Variants in PPP2R2A observed in about 807,000 individuals in gnomAD.
PPP2R2A encodes protein phosphatase 2 regulatory subunit Balpha.
A neutral mutation model predicts 53.2 loss-of-function variants in PPP2R2A; 9 were observed. The observed-to-expected ratio is 0.17, with a 90% CI of 0.10 to 0.30. The LOEUF (loss-of-function observed/expected upper bound fraction) is 0.30. Among genes scored for constraint, PPP2R2A ranks in the 10% least tolerant of loss-of-function variants. The probability of loss-of-function intolerance (pLI) is 1.00; values close to 1 mark genes in which losing one functional copy is unlikely to be tolerated. For missense variants in PPP2R2A, 235 were observed against 534.6 expected (o/e 0.44, Z 5.53); for synonymous variants, 169 against 174.2 (o/e 0.97, Z 0.23).
At chr8:26,339,091 G>T in intron 3 of PPP2R2A, 104 bp downstream of exon 3, 1 of 876,210 alleles carries the variant, frequency 1.1e-6, no homozygotes, top group Non-Finnish European at 1.8e-6. Context: ...TTTAAAAGAA[G>T]TGTGTGTTTA....
intron 3 of PPP2R2A, among the ~76,000 whole-genome samples, chr8:26,345,562 T>C (rs1804169020): frequency 6.6e-6 from 1 of 152,176 alleles, no homozygotes; most frequent in Non-Finnish European, 1.5e-5. Flanking sequence ...TTCATGTCAT[T>C]CAGTTTTCTG....
chr8:26,366,329 C>T lies in PPP2R2A; in HGVS notation c.987C>T (p.Leu329=). 6.2e-7 allele frequency: 1 copy of T among 1,602,530 alleles called. No homozygotes were observed. The highest frequency in any genetic ancestry group is 1.1e-5 in the South Asian group (1 of 87,990). Residue 329 remains leucine, a synonymous_variant, in exon 9 of 10, where the codon CTC becomes CTT. Coordinates refer to ENST00000380737, the MANE Select transcript of PPP2R2A (RefSeq NM_002717.4). ...TTTTCCCCCAGGTGCATGAATACCTCAGAAGTAAACTCTGTTCACTGTATG... is the reference window on the plus strand; with the variant it reads ...TTTTCCCCCAGGTGCATGAATACCTTAGAAGTAAACTCTGTTCACTGTATG... ...PVETYQVHEY[L]RSKLCSLYEN...
chr8:26,357,464 C>T (rs1298857037), intron 4 of PPP2R2A, among the ~76,000 whole-genome samples: 2 of 152,086 alleles, frequency 1.3e-5, no homozygotes, highest in Non-Finnish European at 2.9e-5. Flanking sequence ...TAAAGGACGT[C>T]ATAGTCACCT....
At chr8:26,350,873 C>T in intron 3 of PPP2R2A, among the ~76,000 whole-genome samples, 1 of 151,902 alleles carries the variant, frequency 6.6e-6, no homozygotes. Context: ...TTGGAGGATC[C>T]AGGGGCAGTG....
intron 2 of PPP2R2A, among the ~76,000 whole-genome samples, chr8:26,303,297 T>G (rs1343817886): frequency 2.0e-5 from 3 of 152,228 alleles, no homozygotes; most frequent in Non-Finnish European, 2.9e-5. Flanking sequence ...TTTGCCAGAA[T>G]AAAATAATTT....
chr8:26,356,993 A>G (rs775785988), intron 4 of PPP2R2A, among the ~76,000 whole-genome samples: 6 of 152,216 alleles, frequency 3.9e-5, no homozygotes, highest in Non-Finnish European at 7.3e-5. Context: ...TTGTTTCTTA[A>G]TACTAAGTAA....
chr8:26,294,503 T>A (rs1801456617), intron 2 of PPP2R2A, among the ~76,000 whole-genome samples: 1 of 152,192 alleles, frequency 6.6e-6, no homozygotes, highest in Non-Finnish European at 1.5e-5. Context: ...TTCCACAAAG[T>A]TGTTGCATTG....
Position 26,354,367 on chromosome 8 carries a change from G to C in PPP2R2A, c.181-101G>C. The C allele has an allele frequency of 2.3e-6, 2 of 862,794 alleles. No individual in the cohort carries two copies. Among genetic ancestry groups the C allele is most frequent in the Non-Finnish European group, 3.3e-6 (2 of 602,554 alleles). The allele number at this position is 862,794 out of a possible 1,614,324, so 53.4% of individuals were successfully genotyped here. ...GTAATTGTATAAAGACACAACTAAT[G>C]GGGTATTGAGAATGTGCAGGGTCCT... On this transcript the variant is annotated intron_variant, in intron 3 of 9. Coordinates refer to ENST00000380737, the MANE Select transcript of PPP2R2A (RefSeq NM_002717.4). This position sits in a 1 kb window ranked among gnomAD's most constrained non-coding sequence, Gnocchi z 4.6.
rs1279295402 is a variant in PPP2R2A, at chr8:26,371,838, A to G, written c.*1425A>G. ...TTATCCAAAGATGAAGAGTGCTCCT[A>G]TTTTTAATAGGTAGAATGTACCTTT... On this transcript the variant is annotated 3_prime_UTR_variant, in exon 10 of 10. Coordinates refer to ENST00000380737, the MANE Select transcript of PPP2R2A (RefSeq NM_002717.4). 3 of 152,206 alleles carry G rather than the reference A, an allele frequency of 2.0e-5. No individual in the cohort carries two copies. The highest frequency in any genetic ancestry group is 2.9e-5 in the Non-Finnish European group (2 of 68,036). 9.4% of individuals were successfully genotyped at this position (152,206 alleles called of 1,614,324 possible).
chr8:26,352,204 C>T (rs1170279482), intron 3 of PPP2R2A, among the ~76,000 whole-genome samples: 1 of 152,172 alleles, frequency 6.6e-6, no homozygotes, highest in African/African-American at 2.4e-5. Context: ...AAAACAAAAA[C>T]ATTGTGTTTG....
intron 2 of PPP2R2A, among the ~76,000 whole-genome samples, chr8:26,296,443 C>G (rs1304173255): frequency 1.3e-5 from 2 of 152,228 alleles, no homozygotes. Context: ...CCTTGGAATG[C>G]CTGACAATCA....
intron 3 of PPP2R2A, among the ~76,000 whole-genome samples, chr8:26,343,480 T>G (rs1343011423): frequency 1.3e-5 from 2 of 151,742 alleles, no homozygotes; most frequent in Non-Finnish European, 2.9e-5. Context: ...AAAGCAGTTC[T>G]CCTGCCTCAG....
intron 2 of PPP2R2A, among the ~76,000 whole-genome samples, chr8:26,294,095 A>G (rs574989944): frequency 2.0e-5 from 3 of 152,316 alleles, no homozygotes; most frequent in African/African-American, 4.8e-5. Context: ...TTGGTTTTAG[A>G]TAAGTAAATT....
intron 2 of PPP2R2A, among the ~76,000 whole-genome samples, chr8:26,308,677 G>GT (rs1563287128): frequency 6.6e-6 from 1 of 152,090 alleles, no homozygotes. Context: ...GGAGTTATCC[G>GT]TGAGTACTGG....
At chr8:26,342,712 A>G (rs552706578) in intron 3 of PPP2R2A, among the ~76,000 whole-genome samples, 3 of 152,248 alleles carry the variant, frequency 2.0e-5, no homozygotes, top group Admixed American at 1.3e-4. Context: ...GGCTGCTGGT[A>G]ACTTTCTTGG....
chr8:26,301,376 T>C (rs1801777925), intron 2 of PPP2R2A, among the ~76,000 whole-genome samples: 1 of 150,442 alleles, frequency 6.6e-6, no homozygotes, highest in African/African-American at 2.4e-5. Context: ...TCTGTCATCC[T>C]GGCTGGAGTG....
Position 26,360,847 on chromosome 8 carries a change from C to A in PPP2R2A, c.460-127C>A. On this transcript the variant is annotated intron_variant, in intron 5 of 9. Transcript: ENST00000380737. This position sits in a 1 kb window ranked among gnomAD's most constrained non-coding sequence, Gnocchi z 4.5. ...GATCAACATCAGTTGCTTTTTAAAA[C>A]TAAATCTATGTAATATTGTTCTATT... The A allele has an allele frequency of 1.1e-6, 1 of 886,486 alleles. No individual in the cohort carries two copies. Among genetic ancestry groups the A allele is most frequent in the East Asian group, 3.0e-5 (1 of 32,892 alleles). The allele number at this position is 886,486 out of a possible 1,614,324, so 54.9% of individuals were successfully genotyped here. A position where few individuals can be genotyped will look rare whatever the true frequency, so the allele number is the denominator to read the frequency against.
chr8:26,327,509 A>G (rs990026255), intron 2 of PPP2R2A, among the ~76,000 whole-genome samples: 1 of 152,210 alleles, frequency 6.6e-6, no homozygotes, highest in African/African-American at 2.4e-5. Context: ...AGGGCGTTAC[A>G]ATAAAACGTT....
In PPP2R2A at chr8:26,304,164, CTATT is replaced by C. The variant is rs562568334; in HGVS notation, c.82+10427_82+10430del. Among the ~76,000 whole-genome samples, 526 of 151,354 alleles carry C rather than the reference CTATT, an allele frequency of 3.5e-3. 2 individuals are homozygous for C. The highest frequency in any genetic ancestry group is 4.2e-3 in the Non-Finnish European group (286 of 67,860). Reference sequence around the variant, plus strand: ...TTGTGTGGTAATAATGGTGTTTAGACTATTTAGGAGGGTATTTTTTCTTACCGGT... The same window carrying C: ...TTGTGTGGTAATAATGGTGTTTAGACTAGGAGGGTATTTTTTCTTACCGGT... On this transcript the variant is annotated intron_variant, in intron 2 of 9. Transcript: ENST00000380737.
Sources: gnomAD v4.1 joint callset for allele counts (sites outside exome capture counted in the v4.1 genomes callset) on GRCh38, gnomAD v4.1.1 for gene constraint, Gnocchi (gnomAD v3.1) non-coding constraint, MANE v1.5 for transcripts, NCBI Gene and HGNC (gene_info 2026-07-23, HGNC 2026-07-21) for gene names.